The following ROBO2 variants were observed in gnomAD, a reference collection of about 807,000 sequenced individuals.
ROBO2 encodes roundabout guidance receptor 2, also known as roundabout homolog 2.
In ROBO2, 53 loss-of-function variants were observed where a neutral mutation model predicts 160.8. That is an observed-to-expected ratio of 0.33 (90% CI 0.26 to 0.41). ROBO2 has a LOEUF of 0.41. ROBO2 is among the 10% of genes least tolerant of loss of function. The pLI is 1.00. For synonymous variants in ROBO2, 664 were observed against 611.7 expected, an observed-to-expected ratio of 1.09 and a Z score of -1.26; for missense variants, 1,577 against 1,722.4, an observed-to-expected ratio of 0.92 and a Z score of 1.49.
rs150029759 is a variant in ROBO2 at position 76,212,943 on chromosome 3, G to A, written c.109+275341G>A. 4.0e-3 allele frequency among the ~76,000 whole-genome samples: 552 copies of A among 138,386 alleles called. 4 individuals carry two copies. The highest frequency in any genetic ancestry group is 0.014 in the African/African-American group (536 of 37,694). 90.8% of individuals were successfully genotyped at this position (138,386 alleles called of 152,430 possible). A position where few individuals can be genotyped will look rare whatever the true frequency, so the allele number is the denominator to read the frequency against. ...ACTTTTGGTATTTGGCTTTCAAAGG[G>A]AATTTCTCAAGGGTAAAGGTGAATG... On this transcript the variant is annotated intron_variant, in intron 2 of 26. Coordinates refer to the ROBO2 transcript ENST00000487694.
intron 2 of ROBO2, among the ~76,000 whole-genome samples, chr3:77,011,157 CCCTTCCTTCATTCCAT>C (rs1266551407): frequency 6.8e-6 from 1 of 146,338 alleles, no homozygotes; most frequent in Non-Finnish European, 1.5e-5. Flanking sequence ...CTCCCTTCCT[CCCTTCCTTCATTCCAT>C]CCTTCCTTTC....
chr3:77,095,929 G>A (rs1018924082), intron 1 of ROBO2, among the ~76,000 whole-genome samples: 1 of 150,436 alleles, frequency 6.6e-6, no homozygotes, highest in African/African-American at 2.4e-5. Context: ...TTTTTTTAAA[G>A]TTCTGACCTG....
intron 2 of ROBO2, among the ~76,000 whole-genome samples, chr3:76,544,557 C>T (rs2082992167): frequency 6.6e-6 from 1 of 151,946 alleles, no homozygotes; most frequent in African/African-American, 2.4e-5. Context: ...CTTATACATA[C>T]CAAATTATGA....
At chr3:76,135,912 T>A (rs1228759303) in intron 2 of ROBO2, among the ~76,000 whole-genome samples, 2 of 152,056 alleles carry the variant, frequency 1.3e-5, no homozygotes, top group African/African-American at 2.4e-5. Context: ...TATTAAAAAC[T>A]TGCATTACAC....
intron 2 of ROBO2, among the ~76,000 whole-genome samples, chr3:77,451,880 C>T (rs1447498207): frequency 2.0e-5 from 3 of 151,888 alleles, no homozygotes; most frequent in Non-Finnish European, 4.4e-5. Context: ...CCCATTAACT[C>T]GTCATTTACA....
At chr3:76,043,079 CA>C (rs1455562819) in intron 2 of ROBO2, among the ~76,000 whole-genome samples, 3 of 152,040 alleles carry the variant, frequency 2.0e-5, no homozygotes, top group African/African-American at 7.3e-5. Flanking sequence ...AGGGAATATC[CA>C]AATATCTTCA....
At chr3:76,715,514 C>T (rs2093365475) in intron 2 of ROBO2, among the ~76,000 whole-genome samples, 2 of 152,228 alleles carry the variant, frequency 1.3e-5, no homozygotes, top group South Asian at 4.1e-4. Context: ...TCCTTTTGTT[C>T]TTGTTGTATC....
At position 76,068,458 on chromosome 3, in the gene ROBO2, C is replaced by G. The variant is rs185650566; in HGVS notation, c.109+130856C>G. The stretch of plus-strand genomic sequence containing the variant: ...ATGGAGAAGGTGCCCTAAGAGGCCA[C>G]AGTGTGTTCATAGGAAATGCTAAGC... On this transcript the variant is annotated intron_variant, in intron 2 of 26. Transcript: ENST00000487694. 2.1e-3 allele frequency among the ~76,000 whole-genome samples: 327 copies of G among 152,232 alleles called. 2 individuals are homozygous for G. The highest frequency in any genetic ancestry group is 7.2e-3 in the African/African-American group (301 of 41,530).
intron 2 of ROBO2, among the ~76,000 whole-genome samples, chr3:76,794,980 A>C (rs1377907835): frequency 6.6e-6 from 1 of 152,044 alleles, no homozygotes; most frequent in East Asian, 1.9e-4. Context: ...GACCACCACA[A>C]GTAGCAAGTT....
At chr3:77,539,119 C>T (rs962254930) in intron 6 of ROBO2, among the ~76,000 whole-genome samples, 13 of 152,116 alleles carry the variant, frequency 8.5e-5, no homozygotes, top group Admixed American at 7.2e-4. Context: ...GAGGTTTCAC[C>T]ATGTTGCCCA....
chr3:76,533,728 G>A (rs971804731), intron 2 of ROBO2, among the ~76,000 whole-genome samples: 7 of 152,116 alleles, frequency 4.6e-5, no homozygotes, highest in African/African-American at 1.4e-4. Flanking sequence ...GGTAGGCAGT[G>A]GAAAGTTACA....
At chr3:76,945,003 C>A (rs966094688) in intron 2 of ROBO2, among the ~76,000 whole-genome samples, 1 of 152,026 alleles carries the variant, frequency 6.6e-6, no homozygotes, top group South Asian at 2.1e-4. Flanking sequence ...ATTCTCCTGC[C>A]TCAGCCTCCC....
intron 16 of ROBO2, among the ~76,000 whole-genome samples, chr3:77,581,740 T>C (rs2093924103): frequency 6.6e-6 from 1 of 152,168 alleles, no homozygotes; most frequent in East Asian, 1.9e-4. Context: ...TTTGCATTTC[T>C]CTGTTTTTTC....
At chr3:76,010,603 G>A (rs2066165192) in intron 2 of ROBO2, among the ~76,000 whole-genome samples, 1 of 152,204 alleles carries the variant, frequency 6.6e-6, no homozygotes, top group African/African-American at 2.4e-5. Context: ...ATAACCACCT[G>A]CCTGATTTAC....
intron 2 of ROBO2, among the ~76,000 whole-genome samples, chr3:77,416,279 C>T (rs1433745166): frequency 1.3e-5 from 2 of 152,112 alleles, no homozygotes. Context: ...CTGGAGAATG[C>T]ACCATTTAAT....
intron 1 of ROBO2, among the ~76,000 whole-genome samples, chr3:77,080,115 C>G (rs1277307940): frequency 1.3e-5 from 2 of 152,052 alleles, no homozygotes; most frequent in Admixed American, 6.6e-5. Flanking sequence ...CTTTTGTGTC[C>G]TGTGCTTTTT....
intron 2 of ROBO2, among the ~76,000 whole-genome samples, chr3:76,378,275 G>T (rs896480896): frequency 1.3e-5 from 2 of 152,292 alleles, no homozygotes; most frequent in South Asian, 2.1e-4. Flanking sequence ...AACTTAGGAA[G>T]TAAATCAGTT....
chr3:77,596,805 T>G, intron 19 of ROBO2, 55 bp downstream of exon 20: 3 of 1,597,652 alleles, frequency 1.9e-6, no homozygotes, highest in South Asian at 1.1e-5. Context: ...CTTTTTTTTT[T>G]TTTGACCTTC....
intron 2 of ROBO2, among the ~76,000 whole-genome samples, chr3:77,259,489 G>A (rs976717906): frequency 4.6e-5 from 7 of 152,118 alleles, no homozygotes; most frequent in African/African-American, 1.4e-4. Context: ...AAGAGGTTGT[G>A]TTATAAATAA....
Sources: allele counts gnomAD v4.1 joint callset (sites outside exome capture counted in the v4.1 genomes callset), GRCh38; gene constraint gnomAD v4.1.1; transcripts MANE v1.5; gene names NCBI Gene and HGNC (gene_info 2026-07-23, HGNC 2026-07-21).